NRG3: variants seen among roughly 807,000 people sequenced by gnomAD.
The protein encoded by NRG3 is neuregulin 3.
Under a neutral mutation model 66.9 loss-of-function variants are expected in NRG3, and 31 were observed. The ratio of observed to expected loss-of-function variants is 0.46; its 90% CI spans 0.35 to 0.63. The LOEUF is 0.63. Ranked by LOEUF, NRG3 falls within the 20% of genes least tolerant of loss-of-function variation. The probability of loss-of-function intolerance (pLI) is 0.00; values close to 1 mark genes in which losing one functional copy is unlikely to be tolerated. For missense variants in NRG3, 910 were observed against 878.9 expected (o/e 1.04, Z -0.45); for synonymous variants, 393 against 359.4 (o/e 1.09, Z -1.06).
chr10:82,630,649 G>A lies in NRG3; in HGVS notation c.954-107928G>A, dbSNP rs142321036. 2.6e-5 allele frequency among the ~76,000 whole-genome samples: 4 copies of A among 151,862 alleles called. No homozygotes were observed. In the East Asian group the frequency reaches 7.8e-4, roughly 30 times the overall value. Reference sequence around the variant, plus strand: ...GCTGAGATCACGCCACTGCATTCCAGCCTGGTTGACAAGAGTGAAACTCTG... The same window carrying A: ...GCTGAGATCACGCCACTGCATTCCAACCTGGTTGACAAGAGTGAAACTCTG... On this transcript the variant is annotated intron_variant, in intron 2 of 8. Transcript: ENST00000372141.
intron 1 of NRG3, among the ~76,000 whole-genome samples, chr10:82,258,816 C>A (rs1422314301): frequency 6.6e-6 from 1 of 152,108 alleles, no homozygotes; most frequent in African/African-American, 2.4e-5. Context: ...CCACATAGCT[C>A]CCTTGTGATA....
intron 1 of NRG3, among the ~76,000 whole-genome samples, chr10:82,143,713 A>G (rs1029493556): frequency 6.6e-6 from 1 of 152,200 alleles, no homozygotes; most frequent in African/African-American, 2.4e-5. Flanking sequence ...TGTTTACCTT[A>G]TAAGTGTTAA....
intron 2 of NRG3, among the ~76,000 whole-genome samples, chr10:82,458,808 A>C (rs1489890684): frequency 1.3e-5 from 2 of 152,190 alleles, no homozygotes; most frequent in Non-Finnish European, 2.9e-5. Flanking sequence ...ACTCACATAA[A>C]GCATGCTCAC....
At chr10:82,618,350 G>C (rs2048806523) in intron 2 of NRG3, among the ~76,000 whole-genome samples, 1 of 151,928 alleles carries the variant, frequency 6.6e-6, no homozygotes, top group Non-Finnish European at 1.5e-5. Context: ...GCGGGGAGTT[G>C]GTCCAATAGT....
chr10:82,332,143 G>C (rs564708088), intron 1 of NRG3, among the ~76,000 whole-genome samples: 1 of 152,292 alleles, frequency 6.6e-6, no homozygotes, highest in East Asian at 1.9e-4. Flanking sequence ...GATTTCTTTG[G>C]AGCCATAGTG....
At chr10:82,594,086 G>C (rs2047134513) in intron 2 of NRG3, among the ~76,000 whole-genome samples, 1 of 152,082 alleles carries the variant, frequency 6.6e-6, no homozygotes, top group African/African-American at 2.4e-5. Context: ...TCAGAGCTGA[G>C]TGGAAAAATA....
At chr10:82,433,353 T>C (rs2089944838) in intron 2 of NRG3, among the ~76,000 whole-genome samples, 1 of 152,184 alleles carries the variant, frequency 6.6e-6, no homozygotes, top group South Asian at 2.1e-4. Flanking sequence ...TCCTTGTAAA[T>C]TCTGGATATT....
At chr10:82,537,416 C>G (rs943159416) in intron 2 of NRG3, among the ~76,000 whole-genome samples, 1 of 151,960 alleles carries the variant, frequency 6.6e-6, no homozygotes, top group African/African-American at 2.4e-5. Context: ...ACTTTCGCAC[C>G]TTTGTTTTTA....
chr10:82,924,880 A>G (rs913761296), intron 4 of NRG3, among the ~76,000 whole-genome samples: 10 of 152,168 alleles, frequency 6.6e-5, no homozygotes, highest in Admixed American at 1.3e-4. Flanking sequence ...TCCATGTTAC[A>G]TAAGAGTAAA....
intron 2 of NRG3, among the ~76,000 whole-genome samples, chr10:82,579,245 T>TC (rs1327096559): frequency 6.6e-6 from 1 of 151,884 alleles, no homozygotes; most frequent in Non-Finnish European, 1.5e-5. Flanking sequence ...ATTTTTTTTT[T>TC]CTACTGGATT....
chr10:82,874,133 T>C (rs1038544733), intron 4 of NRG3, among the ~76,000 whole-genome samples: 2 of 152,082 alleles, frequency 1.3e-5, no homozygotes, highest in African/African-American at 2.4e-5. Context: ...TGATCGTATA[T>C]TGGGTATTCT....
intron 1 of NRG3, among the ~76,000 whole-genome samples, chr10:82,220,042 A>G (rs1258133776): frequency 6.6e-6 from 1 of 152,036 alleles, no homozygotes; most frequent in Non-Finnish European, 1.5e-5. Context: ...AAAGTCAACC[A>G]GAAGACGTGA....
Position 82,625,301 on chromosome 10 carries a change from G to GA in NRG3, c.954-113267dup, listed in dbSNP as rs756109285. ...TCCTACACTGCTTTTAGTTAGAAAA[G>GA]AAAAAAAAATGATCACAAATCACTG... On this transcript the variant is annotated intron_variant, in intron 2 of 8. Transcript: ENST00000372141. 3.3e-3 allele frequency among the ~76,000 whole-genome samples: 488 copies of GA among 147,748 alleles called. 3 individuals are homozygous for GA. Among genetic ancestry groups the GA allele is most frequent in the African/African-American group, 8.9e-3 (360 of 40,500 alleles).
At chr10:82,352,200 A>C (rs1352067883) in intron 1 of NRG3, among the ~76,000 whole-genome samples, 1 of 152,054 alleles carries the variant, frequency 6.6e-6, no homozygotes, top group East Asian at 1.9e-4. Context: ...TACATGCACA[A>C]ACACACACAC....
At chr10:82,701,925 A>G (rs2055912471) in intron 2 of NRG3, among the ~76,000 whole-genome samples, 1 of 152,152 alleles carries the variant, frequency 6.6e-6, no homozygotes, top group Non-Finnish European at 1.5e-5. Context: ...AAGCCTGGAG[A>G]CTCAGCAACT....
intron 2 of NRG3, among the ~76,000 whole-genome samples, chr10:82,627,003 A>ATTT (rs58880846): frequency 2.0e-3 from 292 of 148,930 alleles, no homozygotes; most frequent in Non-Finnish European, 2.1e-3. Context: ...CTATTTAGCT[A>ATTT]TTTTTTTTTT....
chr10:82,534,825 A>G (rs192181956), intron 2 of NRG3, among the ~76,000 whole-genome samples: 85 of 152,142 alleles, frequency 5.6e-4, no homozygotes, highest in African/African-American at 1.9e-3. Context: ...TGGAGAAAGG[A>G]TAGTCTCTTC....
At chr10:82,491,313 T>TAC (rs1298573800) in intron 2 of NRG3, among the ~76,000 whole-genome samples, 183 of 49,852 alleles carry the variant, frequency 3.7e-3, no homozygotes, top group Non-Finnish European at 8.2e-3. Flanking sequence ...TATATATATA[T>TAC]ATAAAATAAA....
intron 1 of NRG3, among the ~76,000 whole-genome samples, chr10:82,226,074 A>G (rs550992057): frequency 2.0e-5 from 3 of 152,284 alleles, no homozygotes; most frequent in Admixed American, 6.5e-5. Context: ...TTTTACCCCA[A>G]GAATCTATCC....
Sources: allele counts gnomAD v4.1 joint callset (sites outside exome capture counted in the v4.1 genomes callset), GRCh38; gene constraint gnomAD v4.1.1; transcripts MANE v1.5; gene names NCBI Gene and HGNC (gene_info 2026-07-23, HGNC 2026-07-21).